The following TYW1B variants were observed in gnomAD, a reference collection of about 807,000 sequenced individuals.
The protein encoded by TYW1B is tRNA-yW synthesizing protein 1 homolog B, also known as S-adenosyl-L-methionine-dependent tRNA 4-demethylwyosine synthase TYW1B.
Under a neutral mutation model 86.9 loss-of-function variants are expected in TYW1B, and 73 were observed. That is an observed-to-expected ratio of 0.84 (90% CI 0.70 to 1.02). The LOEUF is 1.02. TYW1B is among the 50% of genes least tolerant of loss of function. The pLI, the probability that TYW1B is intolerant of heterozygous loss-of-function variation, is 0.00. For synonymous variants in TYW1B, 248 were observed against 292.8 expected (o/e 0.85, Z 1.56); for missense variants, 637 against 827.4 (o/e 0.77, Z 2.82).
At chr7:72,735,220 T>A (rs1585940882) in intron 8 of TYW1B, among the ~76,000 whole-genome samples, 1 of 152,120 alleles carries the variant, frequency 6.6e-6, no homozygotes, top group Non-Finnish European at 1.5e-5. Context: ...CGTCAGCAGA[T>A]AAATGGATAA....
At chr7:72,807,455 C>A in intron 4 of TYW1B, 99 bp from the exon 5 acceptor site, 2 of 1,456,510 alleles carry the variant, frequency 1.4e-6, no homozygotes, top group South Asian at 2.8e-5. Context: ...GGCCCCTGGT[C>A]ATGGGCTACC....
At chr7:72,665,582 T>C (rs1272225920) in intron 11 of TYW1B, among the ~76,000 whole-genome samples, 1 of 152,236 alleles carries the variant, frequency 6.6e-6, no homozygotes, top group Non-Finnish European at 1.5e-5. Flanking sequence ...GTACCTGTAA[T>C]TGTAGTTTTG....
chr7:72,686,792 T>C (rs3015929), intron 11 of TYW1B, among the ~76,000 whole-genome samples: 2 of 152,130 alleles, frequency 1.3e-5, no homozygotes, highest in East Asian at 1.9e-4. Flanking sequence ...AGGTAATGTA[T>C]GCATGCATGG....
rs545402118 is a variant in TYW1B at position 72,751,253 on chromosome 7, G to A, written c.965-6652C>T. The stretch of plus-strand genomic sequence containing the variant: ...GGGTTTCACCATGTTGGCCAGGCTC[G>A]TCTTGAACTCCTGACCTCAGGTGAT... On this transcript the variant is annotated intron_variant, in intron 7 of 13. Coordinates refer to ENST00000620995, the MANE Select transcript of TYW1B (RefSeq NM_001145440.3). Among the ~76,000 whole-genome samples the A allele has an allele frequency of 3.9e-5, 6 of 152,180 alleles. No homozygotes were observed. The South Asian group carries it at 8.3e-4, about 21-fold the overall frequency.
In TYW1B at chr7:72,810,433, T is replaced by C. The variant is rs1586001731; in HGVS notation, c.432+38A>G. On this transcript the variant is annotated intron_variant, in intron 4 of 13. Transcript: ENST00000620995. ...GTGTGTGCGTGTGTGTGTGTGTTTA[T>C]GGGGAGAATTTATTCCTATAATTCA... The C allele has an allele frequency of 5.7e-6, 9 of 1,576,896 alleles. No homozygotes were observed. In the East Asian group the frequency reaches 1.6e-4, roughly 28 times the overall value.
At chr7:72,592,244 AC>A (rs1554431663) in intron 13 of TYW1B, among the ~76,000 whole-genome samples, 1 of 151,796 alleles carries the variant, frequency 6.6e-6, no homozygotes, top group East Asian at 1.9e-4. Flanking sequence ...TTATTCTGTG[AC>A]ATCAACAACT....
chr7:72,700,435 A>T (rs1421918589), intron 10 of TYW1B, among the ~76,000 whole-genome samples: 1 of 152,030 alleles, frequency 6.6e-6, no homozygotes, highest in Non-Finnish European at 1.5e-5. Flanking sequence ...AGCCTCCCAA[A>T]GTGCTGGGAT....
rs1175625062 is a variant in TYW1B, at chr7:72,703,009, TATATATATATATATA to T, written c.1371-8202_1371-8188del. Among the ~76,000 whole-genome samples the T allele has an allele frequency of 3.7e-3, 113 of 30,340 alleles. 4 individuals carry two copies. The highest frequency in any genetic ancestry group is 0.011 in the African/African-American group (104 of 9,452). The allele number at this position is 30,340 out of a possible 152,430, so 19.9% of individuals were successfully genotyped here. On this transcript the variant is annotated intron_variant, in intron 10 of 13. Coordinates refer to ENST00000620995, the MANE Select transcript of TYW1B (RefSeq NM_001145440.3). ...ATCTATATATATATATATATATATA[TATATATATATATATA>T]TATTTTTTTTTTTTTTTTGAGATGG...
chr7:72,620,970 T>G (rs1421983683), intron 12 of TYW1B, among the ~76,000 whole-genome samples: 1 of 152,204 alleles, frequency 6.6e-6, no homozygotes, highest in African/African-American at 2.4e-5. Flanking sequence ...GTGAAAAGCA[T>G]AACCCACACT....
intron 11 of TYW1B, among the ~76,000 whole-genome samples, chr7:72,672,477 C>CACACACACAT (rs1269603232): frequency 3.5e-5 from 5 of 144,214 alleles, no homozygotes; most frequent in African/African-American, 1.4e-4. Context: ...CACACAAACA[C>CACACACACAT]ACACACACAC....
chr7:72,794,427 G>A (rs1788272093), intron 6 of TYW1B, among the ~76,000 whole-genome samples: 1 of 152,028 alleles, frequency 6.6e-6, no homozygotes, highest in South Asian at 2.1e-4. Context: ...GTGGTGGTAC[G>A]CACCTGTAAT....
At chr7:72,590,380 C>T (rs35638515) in intron 13 of TYW1B, among the ~76,000 whole-genome samples, 4 of 152,160 alleles carry the variant, frequency 2.6e-5, no homozygotes, top group East Asian at 1.9e-4. Context: ...CATGGAAGGG[C>T]GGAATAGAGG....
intron 10 of TYW1B, among the ~76,000 whole-genome samples, chr7:72,704,433 TAAAAAAA>T (rs1162253814): frequency 1.1e-5 from 1 of 93,236 alleles, no homozygotes; most frequent in Non-Finnish European, 2.0e-5. Context: ...GATTCTATCT[TAAAAAAA>T]AAAAAAAAAA....
Position 72,694,755 on chromosome 7 carries a change from T to C in TYW1B, c.1438A>G (p.Ile480Val), listed in dbSNP as rs782820408. The C allele has an allele frequency of 5.0e-6, 8 of 1,613,736 alleles. No individual in the cohort carries two copies. Among genetic ancestry groups the C allele is most frequent in the African/African-American group, 2.7e-5 (2 of 74,896 alleles). The change falls in exon 11 of 14, where the codon ATC becomes GTC. Residue 480 changes from isoleucine to valine, a missense_variant. Transcript: ENST00000620995. ...AAATCCTTGAAGAGTGGGCGGTCGA[T>C]TTTCTTCAGGCTGTCTTTGGTACTG... ...DASTKDSLKK[I>V]DRPLFKDFWQ...
At chr7:72,692,645 T>G (rs1246933359) in intron 11 of TYW1B, among the ~76,000 whole-genome samples, 1 of 152,130 alleles carries the variant, frequency 6.6e-6, no homozygotes, top group Non-Finnish European at 1.5e-5. Context: ...AAAACAGTGT[T>G]TTTTAATAGA....
intron 13 of TYW1B, among the ~76,000 whole-genome samples, chr7:72,590,906 C>T (rs1316455348): frequency 3.3e-5 from 5 of 152,062 alleles, no homozygotes; most frequent in Non-Finnish European, 5.9e-5. Flanking sequence ...AAACAGCCAT[C>T]TTAAAGATGC....
chr7:72,631,375 A>T (rs1183226964), intron 11 of TYW1B, among the ~76,000 whole-genome samples: 3 of 152,120 alleles, frequency 2.0e-5, no homozygotes, highest in Non-Finnish European at 4.4e-5. Flanking sequence ...TTAGCCAGGC[A>T]TGGTGGCAGG....
At chr7:72,731,892 A>G (rs1554460031) in intron 8 of TYW1B, among the ~76,000 whole-genome samples, 1 of 152,208 alleles carries the variant, frequency 6.6e-6, no homozygotes, top group Non-Finnish European at 1.5e-5. Context: ...GTGAACCGAG[A>G]TTGTGCCACT....
At chr7:72,617,309 G>T (rs1186977677) in intron 12 of TYW1B, among the ~76,000 whole-genome samples, 80 of 152,240 alleles carry the variant, frequency 5.3e-4, no homozygotes, top group Non-Finnish European at 9.6e-4. Flanking sequence ...GTATAATTGA[G>T]ATTGAAACTG....
Sources: allele counts gnomAD v4.1 joint callset (sites outside exome capture counted in the v4.1 genomes callset), GRCh38; gene constraint gnomAD v4.1.1; transcripts MANE v1.5; gene names NCBI Gene and HGNC (gene_info 2026-07-23, HGNC 2026-07-21).